Variants in GHR observed in about 807,000 individuals in gnomAD.
GHR encodes GH receptor.
In GHR, 35 loss-of-function variants were observed where a neutral mutation model predicts 67.1. That is an observed-to-expected ratio of 0.52 (90% confidence interval 0.40 to 0.69). The LOEUF is 0.69. Ranked by LOEUF, GHR falls within the 30% of genes least tolerant of loss-of-function variation. GHR has a pLI of 0.00. For synonymous variants in GHR, 272 were observed against 269.1 expected (o/e 1.01, Z -0.10); for missense variants, 792 against 764.6 (o/e 1.04, Z -0.42).
At chr5:42,599,207 AG>A (rs1752236186) in intron 2 of GHR, among the ~76,000 whole-genome samples, 1 of 152,192 alleles carries the variant, frequency 6.6e-6, no homozygotes, top group Admixed American at 6.5e-5. Context: ...CAGATTAGGT[AG>A]AAACTTTAAA....
intron 1 of GHR, among the ~76,000 whole-genome samples, chr5:42,441,709 C>T (rs2111957534): frequency 6.6e-6 from 1 of 152,232 alleles, no homozygotes. Context: ...CGGGGTTTCA[C>T]CGTGTTAGCC....
At chr5:42,642,375 T>C (rs1031514244) in intron 3 of GHR, among the ~76,000 whole-genome samples, 2 of 152,180 alleles carry the variant, frequency 1.3e-5, no homozygotes, top group Non-Finnish European at 1.5e-5. Context: ...CCAGTTCTTA[T>C]GTTCCCCTCA....
chr5:42,503,483 A>G (rs1429312802), intron 1 of GHR, among the ~76,000 whole-genome samples: 1 of 152,220 alleles, frequency 6.6e-6, no homozygotes, highest in Non-Finnish European at 1.5e-5. Flanking sequence ...GGTCAACTAT[A>G]CTTTTACTTT....
At chr5:42,437,321 T>C (rs1743368243) in intron 1 of GHR, among the ~76,000 whole-genome samples, 1 of 152,178 alleles carries the variant, frequency 6.6e-6, no homozygotes, top group African/African-American at 2.4e-5. Context: ...AGATACCTTA[T>C]AGAAGTAATT....
chr5:42,543,260 T>C (rs901702399), intron 1 of GHR, among the ~76,000 whole-genome samples: 3 of 152,146 alleles, frequency 2.0e-5, no homozygotes, highest in Non-Finnish European at 4.4e-5. Flanking sequence ...CAGCAGTGTA[T>C]AAGTAATCCT....
intron 2 of GHR, among the ~76,000 whole-genome samples, chr5:42,613,154 C>T (rs1752968656): frequency 6.6e-6 from 1 of 152,130 alleles, no homozygotes; most frequent in African/African-American, 2.4e-5. Flanking sequence ...CCAGGGACCA[C>T]TTCAAGGACT....
intron 3 of GHR, among the ~76,000 whole-genome samples, chr5:42,658,644 T>C (rs373506059): frequency 4.6e-5 from 7 of 150,892 alleles, no homozygotes; most frequent in African/African-American, 1.5e-4. Flanking sequence ...TCAAGGGTGA[T>C]TTTTTTCCCC....
chr5:42,611,193 G>T (rs1170060752), intron 2 of GHR, among the ~76,000 whole-genome samples: 1 of 151,990 alleles, frequency 6.6e-6, no homozygotes, highest in Non-Finnish European at 1.5e-5. Context: ...TCCCAGGTTT[G>T]CTGAGACATT....
At chr5:42,666,234 T>C (rs1755971424) in intron 3 of GHR, among the ~76,000 whole-genome samples, 1 of 151,730 alleles carries the variant, frequency 6.6e-6, no homozygotes, top group Admixed American at 6.6e-5. Flanking sequence ...ACATATGCCA[T>C]TTTAAATTTT....
At chr5:42,555,665 T>C (rs1749266186) in intron 1 of GHR, among the ~76,000 whole-genome samples, 1 of 152,110 alleles carries the variant, frequency 6.6e-6, no homozygotes, top group South Asian at 2.1e-4. Flanking sequence ...TGTCTGAGGG[T>C]TGAATGAAAT....
intron 1 of GHR, among the ~76,000 whole-genome samples, chr5:42,502,797 T>G (rs1746594748): frequency 6.8e-6 from 1 of 148,072 alleles, no homozygotes; most frequent in Non-Finnish European, 1.5e-5. Context: ...TAAAATATAT[T>G]TTATTATTTT....
chr5:42,602,398 A>G (rs369769012), intron 2 of GHR, among the ~76,000 whole-genome samples: 5 of 152,226 alleles, frequency 3.3e-5, no homozygotes, highest in Middle Eastern at 3.4e-3. Flanking sequence ...TACTGTATGT[A>G]TGTACTCAGA....
chr5:42,589,341 G>T (rs1561148076), intron 2 of GHR, among the ~76,000 whole-genome samples: 2 of 152,094 alleles, frequency 1.3e-5, no homozygotes, highest in Admixed American at 6.5e-5. Context: ...TTGAAAATAT[G>T]CCCTATTGTC....
chr5:42,675,099 ATTG>A (rs1298866337), intron 3 of GHR, among the ~76,000 whole-genome samples: 2 of 152,198 alleles, frequency 1.3e-5, no homozygotes, highest in African/African-American at 4.8e-5. Flanking sequence ...TTTAGTGCTA[ATTG>A]TTTTTGCATA....
At chr5:42,459,441 T>G (rs1157063733) in intron 1 of GHR, among the ~76,000 whole-genome samples, 2 of 152,034 alleles carry the variant, frequency 1.3e-5, no homozygotes, top group Admixed American at 1.3e-4. Flanking sequence ...ATGTTCTCAT[T>G]TATAAGTGGA....
chr5:42,685,903 C>T (rs1757115533), intron 3 of GHR, among the ~76,000 whole-genome samples: 1 of 152,156 alleles, frequency 6.6e-6, no homozygotes, highest in Non-Finnish European at 1.5e-5. Flanking sequence ...CCTGTTCACT[C>T]TGCTGGTAGT....
intron 1 of GHR, among the ~76,000 whole-genome samples, chr5:42,469,713 C>T (rs115044187): frequency 1.0e-3 from 159 of 152,302 alleles, no homozygotes; most frequent in African/African-American, 3.6e-3. Context: ...CCTCAATTCC[C>T]GTGACACCTA....
chr5:42,538,298 T>C (rs1013477271), intron 1 of GHR, among the ~76,000 whole-genome samples: 2 of 152,194 alleles, frequency 1.3e-5, no homozygotes, highest in Non-Finnish European at 2.9e-5. Flanking sequence ...TTTAAAGAGG[T>C]TCTGTTTTAA....
At chr5:42,587,076 T>C (rs930900315) in intron 2 of GHR, among the ~76,000 whole-genome samples, 4 of 147,880 alleles carry the variant, frequency 2.7e-5, no homozygotes, top group African/African-American at 9.9e-5. Flanking sequence ...GCTTATTTTT[T>C]CTTATCAAGA....
Sources: gnomAD v4.1 joint callset for allele counts (sites outside exome capture counted in the v4.1 genomes callset) on GRCh38, gnomAD v4.1.1 for gene constraint, MANE v1.5 for transcripts, NCBI Gene and HGNC (gene_info 2026-07-23, HGNC 2026-07-21) for gene names.